MRPL3: variants seen among roughly 807,000 people sequenced by gnomAD.
The protein encoded by MRPL3 is large ribosomal subunit protein uL3m.
Under a neutral mutation model 44.3 loss-of-function variants are expected in MRPL3, and 43 were observed. The observed-to-expected ratio is 0.97, with a 90% CI of 0.76 to 1.25. The LOEUF is 1.25. Among genes scored for constraint, MRPL3 ranks in the 50% most tolerant of loss-of-function variants. The pLI is 0.00. For synonymous variants in MRPL3, 171 were observed against 152.3 expected (o/e 1.12, Z -0.91); for missense variants, 406 against 427.6 (o/e 0.95, Z 0.45).
At chr3:131,469,557 C>A (rs1040004725) in intron 8 of MRPL3, 139 bp downstream of exon 8, 3 of 534,368 alleles carry the variant, frequency 5.6e-6, no homozygotes, top group Non-Finnish European at 9.9e-6. Flanking sequence ...CACACACACA[C>A]AATTCATGTA....
chr3:131,468,141 T>G lies in MRPL3; in HGVS notation c.844A>C (p.Ile282Leu), dbSNP rs1225530212. 1 of 1,594,922 alleles carries G rather than the reference T, an allele frequency of 6.3e-7. No homozygotes were observed. The highest frequency in any genetic ancestry group is 1.4e-5 in the African/African-American group (1 of 73,772). Residue 282 changes from isoleucine (I) to leucine (L), a missense_variant, in exon 9 of 10, where the codon ATA (isoleucine) becomes CTA (leucine). Ile to Leu is a conservative substitution (Grantham distance 5). Coordinates refer to ENST00000264995, the MANE Select transcript of MRPL3 (RefSeq NM_007208.4). Reference protein sequence around the residue: ...KVWRINTKHNIIYVNGSVPGH... With the variant: ...KVWRINTKHNLIYVNGSVPGH... Reference sequence around the variant, plus strand: ...GGTACAGAGCCATTTACATAGATTATGTTGTGCTTTGTGTTTATTCTCCAC... The same window carrying G: ...GGTACAGAGCCATTTACATAGATTAGGTTGTGCTTTGTGTTTATTCTCCAC...
At chr3:131,486,362 G>A (rs1457119659) in intron 6 of MRPL3, among the ~76,000 whole-genome samples, 89 of 44,614 alleles carry the variant, frequency 2.0e-3, no homozygotes, top group African/African-American at 0.011. Context: ...GCTTCTGCAC[G>A]GCAAAAAAAA....
At chr3:131,472,663 A>G (rs1459764439) in intron 6 of MRPL3, among the ~76,000 whole-genome samples, 2 of 152,140 alleles carry the variant, frequency 1.3e-5, no homozygotes, top group Admixed American at 1.3e-4. Context: ...CAGATGATAT[A>G]TCATATATAG....
intron 1 of MRPL3, 170 bp from the exon 2 acceptor site, chr3:131,501,885 C>T (rs753933497): frequency 1.3e-6 from 2 of 1,539,462 alleles, no homozygotes; most frequent in Non-Finnish European, 1.7e-6. Flanking sequence ...TCCCCACATT[C>T]CTTCGGATAA....
intron 5 of MRPL3, among the ~76,000 whole-genome samples, chr3:131,488,142 G>A (rs1488236365): frequency 2.0e-5 from 3 of 152,106 alleles, no homozygotes; most frequent in Non-Finnish European, 2.9e-5. Flanking sequence ...TGGACAAACA[G>A]GAAACAATTA....
chr3:131,475,748 A>C (rs1038218203), intron 6 of MRPL3, among the ~76,000 whole-genome samples: 1 of 152,254 alleles, frequency 6.6e-6, no homozygotes, highest in Non-Finnish European at 1.5e-5. Context: ...TAAGAAGAGA[A>C]TAATCAAATA....
chr3:131,474,663 T>C (rs755476324), intron 6 of MRPL3, among the ~76,000 whole-genome samples: 1 of 151,998 alleles, frequency 6.6e-6, no homozygotes, highest in Admixed American at 6.6e-5. Flanking sequence ...TAAATACAAC[T>C]GCAATGTGTC....
chr3:131,499,339 T>C (rs1008455655), intron 3 of MRPL3, among the ~76,000 whole-genome samples: 4 of 152,218 alleles, frequency 2.6e-5, no homozygotes, highest in Non-Finnish European at 4.4e-5. Context: ...TTAAGTGTGA[T>C]GCTGCTGCTC....
chr3:131,471,357 C>A (rs558841432), intron 6 of MRPL3, 78 bp from the exon 7 acceptor site: 74 of 937,764 alleles, frequency 7.9e-5, no homozygotes, highest in South Asian at 7.3e-4. Flanking sequence ...CTAGTACCAA[C>A]TGTACACATT....
At chr3:131,468,370 T>C (rs538227143) in intron 8 of MRPL3, among the ~76,000 whole-genome samples, 43 of 152,280 alleles carry the variant, frequency 2.8e-4, no homozygotes, top group African/African-American at 8.7e-4. Context: ...ATGGAAGTAG[T>C]AGAAAACTCT....
Position 131,471,215 on chromosome 3 carries a change from C to T in MRPL3, c.694G>A (p.Gly232Ser). 3 of 1,613,428 alleles carry T rather than the reference C, an allele frequency of 1.9e-6. No homozygotes were observed. The highest frequency in any genetic ancestry group is 2.5e-6 in the Non-Finnish European group (3 of 1,179,554). Residue 232 changes from glycine to serine, a missense_variant, in exon 7 of 10, where the codon GGT (glycine) becomes AGT (serine). Coordinates refer to ENST00000264995, the MANE Select transcript of MRPL3 (RefSeq NM_007208.4). ...WGFKGQPATH[G>S]QTKTHRRPGA... Reference sequence around the variant, plus strand: ...GGTCTCCTGTGGGTTTTCGTTTGACCATGCGTAGCAGGCTGGCCTTTAAAT... The same window carrying T: ...GGTCTCCTGTGGGTTTTCGTTTGACTATGCGTAGCAGGCTGGCCTTTAAAT...
chr3:131,491,880 C>A (rs1204624187), intron 4 of MRPL3, among the ~76,000 whole-genome samples: 1 of 152,148 alleles, frequency 6.6e-6, no homozygotes, highest in African/African-American at 2.4e-5. Flanking sequence ...CATGTATCTA[C>A]AGTGGCTTCT....
intron 2 of MRPL3, 122 bp downstream of exon 2, chr3:131,501,409 C>A: frequency 1.1e-6 from 1 of 875,770 alleles, no homozygotes; most frequent in Non-Finnish European, 1.8e-6. Context: ...CAATAAAACA[C>A]ACGCAGCACA....
chr3:131,476,869 A>G (rs1019431730), intron 6 of MRPL3, among the ~76,000 whole-genome samples: 1 of 152,194 alleles, frequency 6.6e-6, no homozygotes, highest in Non-Finnish European at 1.5e-5. Flanking sequence ...CAGGGAAGAC[A>G]GGGGATTAAG....
chr3:131,500,376 C>T (rs1415191012), intron 3 of MRPL3, 54 bp downstream of exon 3: 1 of 1,438,692 alleles, frequency 7.0e-7, no homozygotes, highest in Middle Eastern at 1.8e-4. Flanking sequence ...AAGGTTTGCA[C>T]AAACAGATCT....
chr3:131,466,515 TTTC>T (rs1933604812), intron 9 of MRPL3, among the ~76,000 whole-genome samples: 1 of 152,244 alleles, frequency 6.6e-6, no homozygotes, highest in Admixed American at 6.5e-5. Flanking sequence ...TTTTTACTTT[TTTC>T]TTTTTTTTAA....
chr3:131,500,541 C>T lies in MRPL3; in HGVS notation c.278-20G>A, dbSNP rs1471851506. The T allele has an allele frequency of 1.9e-6, 3 of 1,596,308 alleles. No individual in the cohort carries two copies. Among genetic ancestry groups the T allele is most frequent in the African/African-American group, 1.3e-5 (1 of 74,590 alleles). On this transcript the variant is annotated intron_variant, in intron 2 of 9. Transcript: ENST00000264995. ...AGGAACCTGGCAATTAAAACCAAAGCAATGTGAACAAAAGCTTTTGCAACA... is the reference window on the plus strand; with the variant it reads ...AGGAACCTGGCAATTAAAACCAAAGTAATGTGAACAAAAGCTTTTGCAACA...
At chr3:131,474,096 T>C (rs1486975317) in intron 6 of MRPL3, among the ~76,000 whole-genome samples, 2 of 152,162 alleles carry the variant, frequency 1.3e-5, no homozygotes, top group Non-Finnish European at 2.9e-5. Context: ...GTTGAAGAGA[T>C]ATCTTGTATT....
chr3:131,467,240 GCACACACACACACATA>G (rs1176497305), intron 9 of MRPL3, among the ~76,000 whole-genome samples: 2 of 150,910 alleles, frequency 1.3e-5, no homozygotes, highest in Non-Finnish European at 3.0e-5. Context: ...CCATACGCGC[GCACACACACACACATA>G]CACACACACA....
Sources: gnomAD v4.1 joint callset for allele counts (sites outside exome capture counted in the v4.1 genomes callset) on GRCh38, gnomAD v4.1.1 for gene constraint, MANE v1.5 for transcripts, NCBI Gene and HGNC (gene_info 2026-07-23, HGNC 2026-07-21) for gene names.